Variants in LINGO2 observed in about 807,000 individuals in gnomAD.
LINGO2 encodes leucine rich repeat and Ig domain containing 2.
LINGO2 carries 14 observed loss-of-function variants against 30.6 expected under a neutral mutation model. The observed-to-expected ratio is 0.46, with a 90% CI of 0.30 to 0.72. The LOEUF (loss-of-function observed/expected upper bound fraction) is 0.72. Ranked by LOEUF, LINGO2 falls within the 30% of genes least tolerant of loss-of-function variation. The pLI is 0.07. For synonymous variants in LINGO2, 317 were observed against 288.5 expected, an observed-to-expected ratio of 1.10 and a Z score of -1.00; for missense variants, 729 against 751.7, an observed-to-expected ratio of 0.97 and a Z score of 0.35.
the LINGO2 span, among the ~76,000 whole-genome samples, chr9:29,203,918 CT>C: frequency 6.6e-6 from 1 of 152,090 alleles, no homozygotes; most frequent in Non-Finnish European, 1.5e-5. Flanking sequence ...AAATGTTTTA[CT>C]TTTGTAACCA....
chr9:29,007,552 G>A, the LINGO2 span, among the ~76,000 whole-genome samples: 1 of 151,992 alleles, frequency 6.6e-6, no homozygotes, highest in South Asian at 2.1e-4. Context: ...CTGTGCCACT[G>A]AAGGCCTTTT....
At chr9:29,138,015 T>C in the LINGO2 span, among the ~76,000 whole-genome samples, 1 of 152,004 alleles carries the variant, frequency 6.6e-6, no homozygotes, top group Admixed American at 6.6e-5. Flanking sequence ...TATTTAGCAC[T>C]GGGTGAAGTT....
the LINGO2 span, among the ~76,000 whole-genome samples, chr9:28,995,173 GA>G: frequency 3.3e-5 from 5 of 152,000 alleles, no homozygotes; most frequent in South Asian, 2.1e-4. Flanking sequence ...AAATTTACAA[GA>G]AAAAAACAAA....
At chr9:28,794,821 T>TTTTC in the LINGO2 span, among the ~76,000 whole-genome samples, 3 of 151,022 alleles carry the variant, frequency 2.0e-5, no homozygotes, top group African/African-American at 7.4e-5. Context: ...ATTTTTTTTC[T>TTTTC]TTTCTTTTTT....
chr9:28,991,518 C>A, the LINGO2 span, among the ~76,000 whole-genome samples: 4 of 134,094 alleles, frequency 3.0e-5, no homozygotes, highest in East Asian at 8.6e-4. Context: ...CAGAGAACGC[C>A]AAAAAGATAC....
intron 4 of LINGO2, among the ~76,000 whole-genome samples, chr9:28,196,197 A>G (rs1390871908): frequency 6.6e-6 from 1 of 151,650 alleles, no homozygotes; most frequent in East Asian, 1.9e-4. Flanking sequence ...AACACACATT[A>G]AATTGAAGAT....
chr9:28,760,795 T>C, the LINGO2 span, among the ~76,000 whole-genome samples: 1 of 151,892 alleles, frequency 6.6e-6, no homozygotes, highest in Admixed American at 6.6e-5. Flanking sequence ...AGAATAACAG[T>C]CTCCAATCTC....
chr9:28,892,778 T>A, the LINGO2 span, among the ~76,000 whole-genome samples: 2 of 152,010 alleles, frequency 1.3e-5, no homozygotes, highest in Non-Finnish European at 2.9e-5. Flanking sequence ...CACAATACTG[T>A]TCCTTAAATA....
intron 4 of LINGO2, among the ~76,000 whole-genome samples, chr9:28,132,250 A>G (rs1249242753): frequency 1.3e-5 from 2 of 152,186 alleles, no homozygotes; most frequent in Non-Finnish European, 1.5e-5. Context: ...TATATTGGCT[A>G]AATTATTGTA....
At chr9:28,264,156 A>G (rs562377486) in intron 4 of LINGO2, among the ~76,000 whole-genome samples, 1 of 152,088 alleles carries the variant, frequency 6.6e-6, no homozygotes, top group South Asian at 2.1e-4. Flanking sequence ...TAAACTTTAT[A>G]TTTACATAGA....
At chr9:28,969,195 AAG>A in the LINGO2 span, among the ~76,000 whole-genome samples, 1 of 152,178 alleles carries the variant, frequency 6.6e-6, no homozygotes, top group East Asian at 1.9e-4. Context: ...AAAAAATAAA[AAG>A]AGCAGATTAA....
the LINGO2 span, among the ~76,000 whole-genome samples, chr9:28,854,770 T>G: frequency 3.3e-5 from 5 of 151,974 alleles, no homozygotes; most frequent in Non-Finnish European, 7.4e-5. Context: ...GTTCTAGAAC[T>G]TCAATACTGT....
At chr9:28,049,872 A>AT (rs1824592700) in intron 4 of LINGO2, among the ~76,000 whole-genome samples, 1 of 150,760 alleles carries the variant, frequency 6.6e-6, no homozygotes, top group African/African-American at 2.4e-5. Context: ...GCCTCTGAAG[A>AT]TTTTTAAATC....
chr9:28,758,679 T>G, the LINGO2 span, among the ~76,000 whole-genome samples: 2 of 152,114 alleles, frequency 1.3e-5, no homozygotes, highest in South Asian at 4.1e-4. Flanking sequence ...TTCAAGAAAT[T>G]ATTTAGGTAG....
At chr9:28,201,348 G>A (rs1280806428) in intron 4 of LINGO2, among the ~76,000 whole-genome samples, 3 of 140,064 alleles carry the variant, frequency 2.1e-5, no homozygotes, top group African/African-American at 5.3e-5. Flanking sequence ...TTGTTCTTGC[G>A]ATAGTTTACT....
the LINGO2 span, among the ~76,000 whole-genome samples, chr9:28,923,949 CACTGTCACAG>C: frequency 0.054 from 8,283 of 152,218 alleles, 674 homozygotes; most frequent in African/African-American, 0.17. Flanking sequence ...AAGAGGTAGG[CACTGTCACAG>C]ACTCACATGA....
chr9:28,732,197 A>C, the LINGO2 span, among the ~76,000 whole-genome samples: 1 of 152,080 alleles, frequency 6.6e-6, no homozygotes, highest in African/African-American at 2.4e-5. Context: ...TCAAAACTTA[A>C]TACCTCAGCC....
chr9:28,744,609 CGTGTGTGT>C, the LINGO2 span, among the ~76,000 whole-genome samples: 7,664 of 133,784 alleles, frequency 0.057, 376 homozygotes, highest in East Asian at 0.16. Context: ...ATATTCCCCT[CGTGTGTGT>C]GTGTGTGTGT....
chr9:28,239,388 C>T (rs899890849), intron 4 of LINGO2, among the ~76,000 whole-genome samples: 2 of 152,002 alleles, frequency 1.3e-5, no homozygotes, highest in African/African-American at 4.8e-5. Flanking sequence ...AAATACTCAA[C>T]AAAATACTAG....
Sources: allele counts gnomAD v4.1 joint callset (sites outside exome capture counted in the v4.1 genomes callset), GRCh38; gene constraint gnomAD v4.1.1; transcripts MANE v1.5; gene names NCBI Gene and HGNC (gene_info 2026-07-23, HGNC 2026-07-21).